Variants in KIF1A observed in about 807,000 individuals in gnomAD.
KIF1A encodes the protein kinesin-like protein KIF1A.
KIF1A carries 46 observed loss-of-function variants against 227.3 expected under a neutral mutation model. That is an observed-to-expected ratio of 0.20 (90% CI 0.16 to 0.26). The LOEUF is 0.26. Among genes scored for constraint, KIF1A ranks in the 10% least tolerant of loss-of-function variants. The pLI is 1.00. For missense variants in KIF1A, 1,683 were observed against 2,485.9 expected, an observed-to-expected ratio of 0.68 and a Z score of 6.87; for synonymous variants, 1,022 against 1,012.8, an observed-to-expected ratio of 1.01 and a Z score of -0.17.
In KIF1A at chr2:240,773,052, G is replaced by T. The variant is rs923618378; in HGVS notation, c.1180+62C>A. On this transcript the variant is annotated intron_variant, in intron 13 of 48. Coordinates refer to ENST00000498729, the MANE Select transcript of KIF1A (RefSeq NM_001244008.2). The stretch of plus-strand genomic sequence containing the variant: ...CCCAGGAGAGAGGATGTGATGACCT[G>T]CGAGGCCCCTGAGCCTGAGGCCCCA... The T allele has an allele frequency of 6.0e-6, 9 of 1,504,260 alleles. No homozygotes were observed. The African/African-American group carries it at 9.6e-5, about 16-fold the overall frequency. The allele number at this position is 1,504,260 out of a possible 1,614,324, so 93.2% of individuals were successfully genotyped here. A position where few individuals can be genotyped will look rare whatever the true frequency, so the allele number is the denominator to read the frequency against.
chr2:240,771,268 G>T, intron 14 of KIF1A, 164 bp from the exon 15 acceptor site: 1 of 824,586 alleles, frequency 1.2e-6, no homozygotes, highest in Non-Finnish European at 2.0e-6. Flanking sequence ...ATGGGGCCCA[G>T]AGAAGGCAAG....
chr2:240,782,536 A>C, intron 10 of KIF1A, 54 bp downstream of exon 10: 1 of 1,540,680 alleles, frequency 6.5e-7, no homozygotes, highest in Non-Finnish European at 8.8e-7. Flanking sequence ...AATGCAGGGC[A>C]GACACCGCCA....
rs577057425 is a variant in KIF1A, at chr2:240,805,220, C to T, written c.-60-7408G>A. On this transcript the variant is annotated intron_variant, in intron 1 of 48. Transcript: ENST00000498729. ...GGGAAGAGAGGGATTAGATCCTCAGCGACTTCAGATATTAAAATTGTGAAA... is the reference window on the plus strand; with the variant it reads ...GGGAAGAGAGGGATTAGATCCTCAGTGACTTCAGATATTAAAATTGTGAAA... 3.3e-5 allele frequency among the ~76,000 whole-genome samples: 5 copies of T among 151,400 alleles called. No homozygotes were observed. In the South Asian group the frequency reaches 1.0e-3, roughly 32 times the overall value.
intron 14 of KIF1A, chr2:240,771,352 C>A (rs931314725): frequency 4.0e-5 from 23 of 576,824 alleles, no homozygotes; most frequent in Non-Finnish European, 6.5e-5. Flanking sequence ...TTCCTGCCAC[C>A]CCTTGCCTAC....
In KIF1A at chr2:240,775,633, C is replaced by T. The variant is rs2052627095; in HGVS notation, c.958+218G>A. Among the ~76,000 whole-genome samples the T allele has an allele frequency of 6.6e-6, 1 of 152,214 alleles. No homozygotes were observed. The highest frequency in any genetic ancestry group is 1.5e-5 in the Non-Finnish European group (1 of 68,036). ...GTGCTGTGCCACCCCCTGGGCTGTC[C>T]TGGTTCCCACACTCGCTTCGTTAAC... On this transcript the variant is annotated intron_variant, in intron 11 of 48. Transcript: ENST00000498729. This position sits in a 1 kb window ranked among gnomAD's most constrained non-coding sequence, Gnocchi z 5.5.
At chr2:240,759,438 G>T (rs530766334) in intron 25 of KIF1A, among the ~76,000 whole-genome samples, 1 of 152,188 alleles carries the variant, frequency 6.6e-6, no homozygotes, top group South Asian at 2.1e-4. Context: ...CCAGGACAAG[G>T]TACCAGACAA....
At chr2:240,800,883 G>A (rs2056905834) in intron 1 of KIF1A, among the ~76,000 whole-genome samples, 1 of 152,260 alleles carries the variant, frequency 6.6e-6, no homozygotes, top group South Asian at 2.1e-4. Context: ...GCAGGGCAGA[G>A]CCATAGCTCG....
intron 1 of KIF1A, 163 bp from the exon 2 acceptor site, chr2:240,797,975 T>C: frequency 2.1e-6 from 1 of 476,502 alleles, no homozygotes; most frequent in South Asian, 3.8e-5. Context: ...GCGCAGATAA[T>C]TCTAGAAAGC....
rs73102629 is a variant in KIF1A at position 240,750,778 on chromosome 2, C to A, written c.2859-231G>T. ...AGAGAGGAGGACGAGGAATGAGCTG[C>A]GGAGAGCAGAGGCACAGTCCAGCTG... On this transcript the variant is annotated intron_variant, in intron 27 of 48. Coordinates refer to ENST00000498729, the MANE Select transcript of KIF1A (RefSeq NM_001244008.2). 0.054 allele frequency among the ~76,000 whole-genome samples: 8,242 copies of A among 151,948 alleles called. 241 individuals carry two copies. Among genetic ancestry groups the A allele is most frequent in the African/African-American group, 0.071 (2,944 of 41,514 alleles).
chr2:240,800,146 ACT>A (rs1491059685), intron 1 of KIF1A, among the ~76,000 whole-genome samples: 3 of 150,286 alleles, frequency 2.0e-5, no homozygotes, highest in African/African-American at 4.9e-5. Flanking sequence ...ACACACACAC[ACT>A]AAAGAAAAAG....
rs1268447729 is a variant in KIF1A at position 240,746,058 on chromosome 2, G to A, written c.3183C>T (p.Val1061=). 2 of 1,605,926 alleles carry A rather than the reference G, an allele frequency of 1.2e-6. No individual in the cohort carries two copies. The highest frequency in any genetic ancestry group is 1.7e-6 in the Non-Finnish European group (2 of 1,176,694). The stretch of plus-strand genomic sequence containing the variant: ...ACCCACCTGAACAGGTGTTGTTGTT[G>A]ACTTCATCGGCTGAGGGCCCCACGT... ...GADVGPSADE[V]NNNTCSAVPP... Residue 1061 remains valine, a synonymous_variant, in exon 30 of 49, where the codon GTC becomes GTT. Coordinates refer to ENST00000498729, the MANE Select transcript of KIF1A (RefSeq NM_001244008.2).
intron 1 of KIF1A, among the ~76,000 whole-genome samples, chr2:240,816,739 G>A (rs940890732): frequency 6.6e-6 from 1 of 152,240 alleles, no homozygotes; most frequent in Admixed American, 6.5e-5. Context: ...CCACATCCAA[G>A]TCCCATATCC....
intron 2 of KIF1A, among the ~76,000 whole-genome samples, chr2:240,794,070 T>G (rs1435650730): frequency 6.6e-6 from 1 of 152,150 alleles, no homozygotes; most frequent in Non-Finnish European, 1.5e-5. Context: ...ATGCCCTGTC[T>G]GCAGTGTCCT....
At position 240,778,386 on chromosome 2, in the gene KIF1A, C is replaced by T. The variant is rs1031197684; in HGVS notation, c.883-2460G>A. ...TGACACACTCGCTCTCACGGTTCCT[C>T]ACAGCTCCAGAGAAACTTGCCCACA... On this transcript the variant is annotated intron_variant, in intron 10 of 48. Transcript: ENST00000498729. The surrounding 1 kb of genome is among the most constrained non-coding windows in gnomAD (Gnocchi z 7.2). 6.6e-6 allele frequency among the ~76,000 whole-genome samples: 1 copy of T among 152,010 alleles called. No individual in the cohort carries two copies. The highest frequency in any genetic ancestry group is 1.9e-4 in the East Asian group (1 of 5,182).
At chr2:240,814,681 CTT>C (rs2058190793) in intron 1 of KIF1A, among the ~76,000 whole-genome samples, 1 of 152,224 alleles carries the variant, frequency 6.6e-6, no homozygotes, top group Non-Finnish European at 1.5e-5. Context: ...AATCCCAGCA[CTT>C]TGTGGGGCCG....
intron 17 of KIF1A, 147 bp downstream of exon 17, chr2:240,768,986 T>G (rs1442930531): frequency 1.4e-6 from 1 of 700,098 alleles, no homozygotes. Flanking sequence ...AGTGTGACTA[T>G]GGGTGAGCTT....
chr2:240,747,801 C>T lies in KIF1A; in HGVS notation c.2978-480G>A, dbSNP rs558359399. Among the ~76,000 whole-genome samples, 18 of 152,294 alleles carry T rather than the reference C, an allele frequency of 1.2e-4. No homozygotes were observed. In the South Asian group the frequency reaches 2.1e-3, roughly 18 times the overall value. ...CCTCCACGCAACTCCCCAGGCCTGC[C>T]GGTGCATGCGCCCACACTCCCCAGC... On this transcript the variant is annotated intron_variant, in intron 28 of 48. Transcript: ENST00000498729.
intron 6 of KIF1A, 75 bp downstream of exon 6, chr2:240,786,260 G>C: frequency 1.4e-6 from 2 of 1,436,334 alleles, no homozygotes; most frequent in Admixed American, 1.7e-5. Flanking sequence ...GGCCAGGACC[G>C]AGGTGAAGGG....
intron 1 of KIF1A, among the ~76,000 whole-genome samples, chr2:240,810,690 C>A (rs746360787): frequency 6.6e-6 from 1 of 152,200 alleles, no homozygotes; most frequent in South Asian, 2.1e-4. Context: ...GCAGGCCCCT[C>A]GAAGTTTCAA....
Sources: allele counts gnomAD v4.1 joint callset (sites outside exome capture counted in the v4.1 genomes callset), GRCh38; gene constraint gnomAD v4.1.1; non-coding constraint Gnocchi (gnomAD v3.1); transcripts MANE v1.5; gene names NCBI Gene and HGNC (gene_info 2026-07-23, HGNC 2026-07-21).